GOT1L1: variants seen among roughly 807,000 people sequenced by gnomAD.
GOT1L1 encodes glutamic-oxaloacetic transaminase 1 like 1.
GOT1L1 carries 38 observed loss-of-function variants against 43.6 expected under a neutral mutation model. That is an observed-to-expected ratio of 0.87 (90% CI 0.67 to 1.14). The LOEUF (loss-of-function observed/expected upper bound fraction) is 1.14. Ranked by LOEUF, GOT1L1 falls within the 50% of genes most tolerant of loss-of-function variation. The pLI, the probability that GOT1L1 is intolerant of heterozygous loss-of-function variation, is 0.00. For synonymous variants in GOT1L1, 183 were observed against 187.2 expected (o/e 0.98, Z 0.18); for missense variants, 482 against 504.0 (o/e 0.96, Z 0.42).
Position 37,937,643 on chromosome 8 carries a change from T to C in GOT1L1, c.404A>G (p.Gln135Arg). ...DARIVYIISS[Q>R]KELHGLVFQD... is the part of the protein sequence containing the mutation. Reference sequence around the variant, plus strand: ...TCATCTTGGGTAAGACTAACCTTTTTGAGAAGAGATGATGTAAACTATACG... The same window carrying C: ...TCATCTTGGGTAAGACTAACCTTTTCGAGAAGAGATGATGTAAACTATACG... The change falls in exon 3 of 9, where the codon CAA (glutamine) becomes CGA (arginine). Residue 135 changes from glutamine to arginine, a missense_variant. By Grantham distance (43) the Gln-to-Arg change is conservative. Transcript: ENST00000307599. The C allele has an allele frequency of 1.2e-6, 2 of 1,604,668 alleles. No homozygotes were observed. Among genetic ancestry groups the C allele is most frequent in the Non-Finnish European group, 1.7e-6 (2 of 1,173,900 alleles).
At chr8:37,935,305 A>G in intron 7 of GOT1L1, 90 bp from the exon 8 acceptor site, 5 of 1,282,870 alleles carry the variant, frequency 3.9e-6, no homozygotes, top group South Asian at 3.0e-5. Context: ...CTTACCTTCA[A>G]AGGTCTCCAA....
intron 6 of GOT1L1, 28 bp downstream of exon 6, chr8:37,936,692 A>T (rs141702799): frequency 3.2e-6 from 5 of 1,585,422 alleles, no homozygotes; most frequent in Non-Finnish European, 1.7e-6. Context: ...TCAGCAACAG[A>T]CCCTCCCTTC....
chr8:37,938,230 C>T (rs1807818555), intron 2 of GOT1L1, among the ~76,000 whole-genome samples: 1 of 152,052 alleles, frequency 6.6e-6, no homozygotes, highest in South Asian at 2.1e-4. Context: ...AACCCTGTCT[C>T]TACAAAAAAT....
chr8:37,939,431 A>AATATATAT lies in GOT1L1; in HGVS notation c.115+476_115+483dup, dbSNP rs1188997870. On this transcript the variant is annotated intron_variant, in intron 1 of 8. Coordinates refer to ENST00000307599, the MANE Select transcript of GOT1L1 (RefSeq NM_152413.3). ...CCTGTCTCAAGAAAAAAAAAAAAAAAATATATATATATATATATATATATA... is the reference window on the plus strand; with the variant it reads ...CCTGTCTCAAGAAAAAAAAAAAAAAAATATATATATATATATATATATATATATATATA... Among the ~76,000 whole-genome samples the AATATATAT allele has an allele frequency of 8.6e-3, 356 of 41,352 alleles. 7 individuals carry two copies. The highest frequency in any genetic ancestry group is 0.012 in the South Asian group (10 of 818). The allele number at this position is 41,352 out of a possible 152,430, so 27.1% of individuals were successfully genotyped here.
chr8:37,939,845 G>A, intron 1 of GOT1L1, 70 bp downstream of exon 1: 1 of 1,479,748 alleles, frequency 6.8e-7, no homozygotes, highest in South Asian at 1.2e-5. Context: ...CCCTGCAGCA[G>A]GGAACACTGT....
intron 1 of GOT1L1, 143 bp from the exon 2 acceptor site, chr8:37,939,024 CT>C: frequency 1.5e-6 from 1 of 686,128 alleles, no homozygotes; most frequent in Non-Finnish European, 2.6e-6. Flanking sequence ...TTTCCCTTTT[CT>C]TTTCTCCTTG....
In GOT1L1 at chr8:37,934,530, G is replaced by A. The variant is rs373391822; in HGVS notation, c.1073-44C>T. On this transcript the variant is annotated intron_variant, in intron 8 of 8. Coordinates refer to ENST00000307599, the MANE Select transcript of GOT1L1 (RefSeq NM_152413.3). ...CTCAGATCTCGAGACTGGCCATCTC[G>A]AATTCTCCTCTAGCCCAGGCTGGTT... is the stretch of plus-strand genomic sequence containing the variant. 2,937 of 1,366,504 alleles carry A rather than the reference G, an allele frequency of 2.1e-3. 73 individuals carry two copies. In the South Asian group the frequency reaches 0.03, roughly 14 times the overall value. The allele number at this position is 1,366,504 out of a possible 1,614,324, so 84.6% of individuals were successfully genotyped here. A position where few individuals can be genotyped will look rare whatever the true frequency, so the allele number is the denominator to read the frequency against.
At chr8:37,938,617 G>A (rs994658856) in intron 2 of GOT1L1, 83 bp downstream of exon 2, 4 of 1,295,004 alleles carry the variant, frequency 3.1e-6, no homozygotes, top group Non-Finnish European at 4.2e-6. Flanking sequence ...GCCCTCCGAG[G>A]TCCCCTTCGG....
chr8:37,935,092 G>A lies in GOT1L1; in HGVS notation c.1053C>T (p.His351=), dbSNP rs146808588. 1,051 of 1,613,918 alleles carry A rather than the reference G, an allele frequency of 6.5e-4. 2 individuals are homozygous for A. The highest frequency in any genetic ancestry group is 4.5e-3 in the Middle Eastern group (27 of 6,062). The change falls in exon 8 of 9, where the codon CAC becomes CAT. Residue 351 remains histidine, a synonymous_variant. Transcript: ENST00000307599. ...WGHITEQSGT[H]GYLGLNSQQV... ...CCTTACAGTTGAGTCCAAGATAGCC[G>A]TGGGTCCCACTCTGCTCGGTGATGT...
intron 4 of GOT1L1, 109 bp downstream of exon 4, chr8:37,937,168 A>G (rs1807783305): frequency 5.5e-6 from 7 of 1,267,544 alleles, no homozygotes; most frequent in Non-Finnish European, 5.7e-6. Flanking sequence ...AGGGCCAGGC[A>G]AATTCAAACC....
At chr8:37,937,250 AG>A in intron 4 of GOT1L1, 26 bp downstream of exon 4, 1 of 1,420,864 alleles carries the variant, frequency 7.0e-7, no homozygotes. Flanking sequence ...AGCTCTAGGG[AG>A]GAGTTTCTGA....
In GOT1L1 at chr8:37,935,219, C is replaced by G; in HGVS notation, c.930-4G>C. 2.5e-6 allele frequency: 4 copies of G among 1,586,232 alleles called. No homozygotes were observed. The highest frequency in any genetic ancestry group is 3.4e-6 in the Non-Finnish European group (4 of 1,165,552). Reference sequence around the variant, plus strand: ...AACTTCTTTTAGACTCTGCTTCCTACCAAGGAAGGACAATGAGAAAGGAGG... The same window carrying G: ...AACTTCTTTTAGACTCTGCTTCCTAGCAAGGAAGGACAATGAGAAAGGAGG... On this transcript the variant is annotated splice_polypyrimidine_tract_variant and splice_region_variant and intron_variant, in intron 7 of 8. Transcript: ENST00000307599.
At chr8:37,935,644 G>A (rs1807725485) in intron 7 of GOT1L1, 60 bp downstream of exon 7, 19 of 1,427,770 alleles carry the variant, frequency 1.3e-5, no homozygotes, top group Non-Finnish European at 1.7e-5. Flanking sequence ...CTGCAGATCA[G>A]CAGGTCTGCA....
chr8:37,940,086 GC>G lies in GOT1L1; in HGVS notation c.-58del, dbSNP rs1807886872. On this transcript the variant is annotated 5_prime_UTR_variant, in exon 1 of 9. Coordinates refer to ENST00000307599, the MANE Select transcript of GOT1L1 (RefSeq NM_152413.3). ...GTCTCTGCTCCTGTGTTCCGCTTCT[GC>G]CCAGAAGTCTTCCTCCAAGGCTGGG... 1 of 1,547,402 alleles carries G rather than the reference GC, an allele frequency of 6.5e-7. No individual in the cohort carries two copies. The highest frequency in any genetic ancestry group is 8.7e-7 in the Non-Finnish European group (1 of 1,145,300).
At chr8:37,935,427 C>T (rs1378892070) in intron 7 of GOT1L1, among the ~76,000 whole-genome samples, 1 of 152,174 alleles carries the variant, frequency 6.6e-6, no homozygotes, top group Non-Finnish European at 1.5e-5. Flanking sequence ...TTGCAAGCCC[C>T]TGATGCTCTC....
At chr8:37,934,777 T>C (rs1207746128) in intron 8 of GOT1L1, among the ~76,000 whole-genome samples, 3 of 152,266 alleles carry the variant, frequency 2.0e-5, no homozygotes, top group Admixed American at 2.0e-4. Context: ...GGTTTCACCA[T>C]GTTGGCCAGG....
intron 8 of GOT1L1, 28 bp downstream of exon 8, chr8:37,935,045 G>T (rs1312240785): frequency 3.1e-6 from 5 of 1,612,594 alleles, no homozygotes; most frequent in Non-Finnish European, 4.2e-6. Flanking sequence ...GGTCAGAAAG[G>T]GGGGACACCA....
rs555316947 is a variant in GOT1L1 at position 37,937,815 on chromosome 8, T to C, written c.298-66A>G. 1.9e-5 allele frequency: 21 copies of C among 1,092,566 alleles called. 1 individual carries two copies. In the South Asian group the frequency reaches 2.4e-4, roughly 12 times the overall value. The allele number at this position is 1,092,566 out of a possible 1,614,324, so 67.7% of individuals were successfully genotyped here. A position where few individuals can be genotyped will look rare whatever the true frequency, so the allele number is the denominator to read the frequency against. On this transcript the variant is annotated intron_variant, in intron 2 of 8. Transcript: ENST00000307599. The stretch of plus-strand genomic sequence containing the variant: ...GCTCACACCTGTAATTCCAGCACTT[T>C]GGGAGGCTGGGGTGGGTGGATCACT...
chr8:37,936,897 G>T, intron 5 of GOT1L1, 27 bp from the exon 6 acceptor site: 1 of 1,611,746 alleles, frequency 6.2e-7, no homozygotes, highest in Admixed American at 1.7e-5. Flanking sequence ...AACAAAAAAA[G>T]AATGAGACAG....
Sources: allele counts gnomAD v4.1 joint callset (sites outside exome capture counted in the v4.1 genomes callset), GRCh38; gene constraint gnomAD v4.1.1; transcripts MANE v1.5; gene names NCBI Gene and HGNC (gene_info 2026-07-23, HGNC 2026-07-21).